The following ASXL1 variants were observed in gnomAD, a reference collection of about 807,000 sequenced individuals.
ASXL1 encodes the protein polycomb group protein ASXL1.
In ASXL1, 65 loss-of-function variants were observed where a neutral mutation model predicts 89.1. The ratio of observed to expected loss-of-function variants is 0.73; its 90% CI spans 0.60 to 0.90. The LOEUF (loss-of-function observed/expected upper bound fraction) is 0.90. Among genes scored for constraint, ASXL1 ranks in the 40% least tolerant of loss-of-function variants. The probability of loss-of-function intolerance (pLI) is 0.00; values close to 1 mark genes in which losing one functional copy is unlikely to be tolerated. For missense variants in ASXL1, 1,786 were observed against 1,942.9 expected, an observed-to-expected ratio of 0.92 and a Z score of 1.52; for synonymous variants, 739 against 746.9, an observed-to-expected ratio of 0.99 and a Z score of 0.17.
intron 4 of ASXL1, among the ~76,000 whole-genome samples, chr20:32,397,770 C>G (rs546268958): frequency 6.6e-6 from 1 of 152,208 alleles, no homozygotes; most frequent in Non-Finnish European, 1.5e-5. Flanking sequence ...TGCGTTGGGC[C>G]GCATTGAAAG....
intron 4 of ASXL1, among the ~76,000 whole-genome samples, chr20:32,403,343 C>T (rs1477127017): frequency 6.6e-6 from 1 of 152,210 alleles, no homozygotes; most frequent in African/African-American, 2.4e-5. Context: ...TGTTATTCCT[C>T]CACCTTCGTT....
At position 32,426,585 on chromosome 20, in the gene ASXL1, G is replaced by C. The variant is rs2011311240; in HGVS notation, c.253-1543G>C. On this transcript the variant is annotated intron_variant, in intron 4 of 12. Transcript: ENST00000375687. The stretch of plus-strand genomic sequence containing the variant: ...TTTTTTTTTTTTTTTTTTTGAGATG[G>C]AGTCTTGCTCTGTCGCCAGGCTGGA... Among the ~76,000 whole-genome samples, 2 of 95,808 alleles carry C rather than the reference G, an allele frequency of 2.1e-5. 1 individual carries two copies. Among genetic ancestry groups the C allele is most frequent in the Non-Finnish European group, 4.2e-5 (2 of 47,364 alleles). 62.9% of individuals were successfully genotyped at this position (95,808 alleles called of 152,430 possible). A position where few individuals can be genotyped will look rare whatever the true frequency, so the allele number is the denominator to read the frequency against.
At position 32,436,143 on chromosome 20, in the gene ASXL1, A is replaced by G. The variant is rs758535168; in HGVS notation, c.3431A>G (p.His1144Arg). 20 of 1,614,228 alleles carry G rather than the reference A, an allele frequency of 1.2e-5. No homozygotes were observed. Among genetic ancestry groups the G allele is most frequent in the Non-Finnish European group, 1.7e-5 (20 of 1,180,036 alleles). ...GTACCACTTACAAAAGACCAGAGCC[A>G]TGGCTCGCTACGCATGGGATCTTTA... ...PQVPLTKDQS[H>R]GSLRMGSLHG... is the part of the protein sequence containing the mutation. Residue 1144 changes from histidine (H) to arginine (R), a missense_variant, in exon 13 of 13, where the codon CAT becomes CGT. Around this residue, in one of 3 missense-constraint regions of ASXL1, gnomAD observed 1,418 missense variants for 1,427.8 expected, o/e 0.99. Coordinates refer to ENST00000375687, the MANE Select transcript of ASXL1 (RefSeq NM_015338.6).
intron 1 of ASXL1, 67 bp downstream of exon 1, chr20:32,358,899 C>G: frequency 7.1e-7 from 1 of 1,405,030 alleles, no homozygotes; most frequent in Non-Finnish European, 9.3e-7. Context: ...CGCACCCCCC[C>G]ACTGGGGGGG....
chr20:32,392,150 G>A (rs1201694691), intron 4 of ASXL1, among the ~76,000 whole-genome samples: 2 of 151,880 alleles, frequency 1.3e-5, no homozygotes, highest in Non-Finnish European at 2.9e-5. Flanking sequence ...GTCTTGCTGT[G>A]CCACCCAGGC....
chr20:32,400,354 T>C (rs1455400200), intron 4 of ASXL1, among the ~76,000 whole-genome samples: 1 of 152,196 alleles, frequency 6.6e-6, no homozygotes, highest in Non-Finnish European at 1.5e-5. Flanking sequence ...TCTTTAACTT[T>C]GTTATTGGAT....
intron 4 of ASXL1, among the ~76,000 whole-genome samples, chr20:32,396,135 C>T (rs965688285): frequency 4.6e-5 from 7 of 152,188 alleles, no homozygotes; most frequent in Non-Finnish European, 1.0e-4. Flanking sequence ...CTCTGCTTAA[C>T]GTGCTCAATG....
At chr20:32,402,630 A>G (rs1262899319) in intron 4 of ASXL1, among the ~76,000 whole-genome samples, 2 of 152,192 alleles carry the variant, frequency 1.3e-5, no homozygotes, top group Non-Finnish European at 2.9e-5. Flanking sequence ...TAGTATTGTC[A>G]GTATTTTTCC....
intron 1 of ASXL1, among the ~76,000 whole-genome samples, chr20:32,366,030 T>G (rs2048198789): frequency 1.3e-5 from 2 of 152,164 alleles, no homozygotes; most frequent in Non-Finnish European, 2.9e-5. Flanking sequence ...AAAGAAAATG[T>G]GAATGCATTT....
chr20:32,392,845 G>A (rs2048696599), intron 4 of ASXL1, among the ~76,000 whole-genome samples: 1 of 151,984 alleles, frequency 6.6e-6, no homozygotes, highest in Admixed American at 6.6e-5. Flanking sequence ...TACCTTATAT[G>A]ATTTGAATCC....
intron 4 of ASXL1, among the ~76,000 whole-genome samples, chr20:32,382,085 A>G (rs2048497515): frequency 6.7e-6 from 1 of 149,174 alleles, no homozygotes; most frequent in South Asian, 2.1e-4. Flanking sequence ...CCTCCCGAGT[A>G]GCTGGGATTA....
At chr20:32,384,198 G>GGT (rs1314229691) in intron 4 of ASXL1, among the ~76,000 whole-genome samples, 46 of 77,300 alleles carry the variant, frequency 6.0e-4, no homozygotes, top group African/African-American at 1.8e-3. Context: ...GCAGCAGTCT[G>GGT]TTTTTTTTTT....
intron 4 of ASXL1, among the ~76,000 whole-genome samples, chr20:32,416,111 G>A (rs951716135): frequency 6.6e-6 from 1 of 151,884 alleles, no homozygotes; most frequent in Non-Finnish European, 1.5e-5. Context: ...GTATTTTGGG[G>A]GTACAGGTGA....
intron 4 of ASXL1, among the ~76,000 whole-genome samples, chr20:32,388,039 A>G (rs1217294049): frequency 1.3e-5 from 2 of 152,116 alleles, no homozygotes; most frequent in African/African-American, 4.8e-5. Context: ...TTCAGAATAT[A>G]TCTCATTTTA....
At chr20:32,369,967 C>G (rs1403230303) in intron 4 of ASXL1, among the ~76,000 whole-genome samples, 1 of 151,954 alleles carries the variant, frequency 6.6e-6, no homozygotes, top group Non-Finnish European at 1.5e-5. Context: ...GATCCGTCCG[C>G]CTTAGCCTCC....
chr20:32,402,999 A>G (rs1374925349), intron 4 of ASXL1, among the ~76,000 whole-genome samples: 1 of 152,104 alleles, frequency 6.6e-6, no homozygotes, highest in Non-Finnish European at 1.5e-5. Flanking sequence ...TTGGCTAACA[A>G]AATTTTCTCT....
intron 4 of ASXL1, among the ~76,000 whole-genome samples, chr20:32,382,628 C>A (rs3861818): frequency 0.35 from 48,695 of 137,666 alleles, 9,403 homozygotes; most frequent in East Asian, 0.74. Context: ...AAAAAAAAAA[C>A]AAAACCTGTT....
rs1600586587 is a variant in ASXL1 at position 32,434,744 on chromosome 20, A to AG, written c.2036dup (p.Gly680ArgfsTer38). The stretch of plus-strand genomic sequence containing the variant: ...TGAGGCCTGTGGCCACCCTGAGCCC[A>AG]GGGGAGGCCCGAGCACCCCTGGAAA... On this transcript the variant is annotated frameshift_variant, in exon 13 of 13. Coordinates refer to ENST00000375687, the MANE Select transcript of ASXL1 (RefSeq NM_015338.6). LOFTEE classifies it low-confidence loss of function (END_TRUNC). The AG allele has an allele frequency of 1.2e-6, 2 of 1,613,208 alleles. No individual in the cohort carries two copies. The highest frequency in any genetic ancestry group is 1.7e-6 in the Non-Finnish European group (2 of 1,179,846).
At chr20:32,383,490 A>G (rs1020835892) in intron 4 of ASXL1, among the ~76,000 whole-genome samples, 1 of 151,784 alleles carries the variant, frequency 6.6e-6, no homozygotes, top group Admixed American at 6.6e-5. Flanking sequence ...TGTATTTTTA[A>G]TAGAGACGGG....
Sources: gnomAD v4.1 joint callset for allele counts (sites outside exome capture counted in the v4.1 genomes callset) on GRCh38, gnomAD v4.1.1 for gene constraint, gnomAD v4.1.1 regional missense constraint, MANE v1.5 for transcripts, NCBI Gene and HGNC (gene_info 2026-07-23, HGNC 2026-07-21) for gene names.